Variants in SNTG1 observed in about 807,000 individuals in gnomAD.
The protein encoded by SNTG1 is gamma-1-syntrophin.
Under a neutral mutation model 74.7 loss-of-function variants are expected in SNTG1, and 39 were observed. The observed-to-expected ratio is 0.52, with a 90% CI of 0.40 to 0.68. SNTG1 has a LOEUF of 0.68. SNTG1 is among the 30% of genes least tolerant of loss of function. The pLI is 0.00. For synonymous variants in SNTG1, 254 were observed against 217.1 expected (o/e 1.17, Z -1.49); for missense variants, 685 against 609.5 (o/e 1.12, Z -1.30).
chr8:49,947,712 A>G (rs984678184), intron 1 of SNTG1, among the ~76,000 whole-genome samples: 19 of 152,314 alleles, frequency 1.2e-4, no homozygotes, highest in African/African-American at 4.1e-4. Flanking sequence ...TGTAATGACC[A>G]GTTTCTAACT....
rs2095437317 is a variant in SNTG1, at chr8:50,704,624, A to C, written c.1063A>C (p.Lys355Gln). The C allele has an allele frequency of 6.2e-7, 1 of 1,614,128 alleles. No homozygotes were observed. Among genetic ancestry groups the C allele is most frequent in the Non-Finnish European group, 8.5e-7 (1 of 1,180,026 alleles). ...GGACAGTGACCTGCTGGACCGACGG[A>C]AACAGTGCTTCACCGTGCAGTCTGA... ...LKDSDLLDRR[K>Q]QCFTVQSESG... The change falls in exon 16 of 19, where the codon AAA becomes CAA. Residue 355 changes from lysine to glutamine, a missense_variant. Transcript: ENST00000642720.
intron 13 of SNTG1, among the ~76,000 whole-genome samples, chr8:50,643,388 C>A (rs1421148592): frequency 6.6e-6 from 1 of 152,176 alleles, no homozygotes; most frequent in African/African-American, 2.4e-5. Context: ...TTGCCGTGGT[C>A]TCCCCATTTG....
intron 15 of SNTG1, among the ~76,000 whole-genome samples, chr8:50,700,912 CAG>C (rs1263353236): frequency 1.3e-5 from 2 of 152,042 alleles, no homozygotes; most frequent in Non-Finnish European, 2.9e-5. Flanking sequence ...ACTATATTTG[CAG>C]AGTTGATTAG....
intron 15 of SNTG1, among the ~76,000 whole-genome samples, chr8:50,698,113 A>T (rs1391646380): frequency 3.3e-5 from 5 of 151,820 alleles, no homozygotes; most frequent in African/African-American, 1.2e-4. Context: ...TTTTTATTGG[A>T]TTTTAAATCC....
intron 15 of SNTG1, among the ~76,000 whole-genome samples, chr8:50,704,054 C>T (rs1335024627): frequency 6.6e-6 from 1 of 152,062 alleles, no homozygotes; most frequent in East Asian, 1.9e-4. Context: ...AAATTGCCAG[C>T]ATCAAAGTCG....
At chr8:50,654,706 G>T (rs1361717341) in intron 13 of SNTG1, among the ~76,000 whole-genome samples, 1 of 152,054 alleles carries the variant, frequency 6.6e-6, no homozygotes, top group Non-Finnish European at 1.5e-5. Flanking sequence ...CATCCAGAAA[G>T]AATTTCCATT....
rs186208237 is a variant in SNTG1, at chr8:50,075,693, G to A, written c.-102-96868G>A. On this transcript the variant is annotated intron_variant, in intron 1 of 18. Transcript: ENST00000642720. ...GCTGCTCACTCTTTGGGTCCGTACTGCCTTTATGAGCTGTAACACTCACTG... is the reference window on the plus strand; with the variant it reads ...GCTGCTCACTCTTTGGGTCCGTACTACCTTTATGAGCTGTAACACTCACTG... 8.1e-3 allele frequency among the ~76,000 whole-genome samples: 1,231 copies of A among 152,236 alleles called. 8 individuals carry two copies. Among genetic ancestry groups the A allele is most frequent in the Non-Finnish European group, 0.013 (879 of 68,012 alleles).
chr8:50,477,605 G>T (rs2093707045), intron 8 of SNTG1, among the ~76,000 whole-genome samples: 1 of 152,078 alleles, frequency 6.6e-6, no homozygotes, highest in Non-Finnish European at 1.5e-5. Context: ...AAAGACATTA[G>T]GGGAAAAACT....
At chr8:50,155,957 T>C (rs1381277372) in intron 1 of SNTG1, among the ~76,000 whole-genome samples, 6 of 151,182 alleles carry the variant, frequency 4.0e-5, no homozygotes, top group Non-Finnish European at 7.4e-5. Context: ...ATACTACATA[T>C]ATAGAAGTGT....
At chr8:50,431,718 C>T (rs976595781) in intron 4 of SNTG1, among the ~76,000 whole-genome samples, 2 of 152,062 alleles carry the variant, frequency 1.3e-5, no homozygotes, top group East Asian at 1.9e-4. Flanking sequence ...GGATTTTAGC[C>T]GTTTTAATAA....
chr8:50,060,808 A>T (rs1362415383), intron 1 of SNTG1, among the ~76,000 whole-genome samples: 1 of 151,708 alleles, frequency 6.6e-6, no homozygotes, highest in East Asian at 1.9e-4. Flanking sequence ...TTTTTATGTC[A>T]GTTTATCTGA....
At chr8:50,089,838 A>T (rs1386497111) in intron 1 of SNTG1, among the ~76,000 whole-genome samples, 1 of 152,180 alleles carries the variant, frequency 6.6e-6, no homozygotes, top group Non-Finnish European at 1.5e-5. Flanking sequence ...CCATTGTGGA[A>T]GTCAGTGTGG....
intron 1 of SNTG1, among the ~76,000 whole-genome samples, chr8:49,965,799 T>C (rs551566942): frequency 4.5e-4 from 68 of 152,318 alleles, no homozygotes; most frequent in Non-Finnish European, 6.9e-4. Context: ...ATCATCCTCC[T>C]CTTTTATCTA....
At chr8:50,257,019 C>T (rs182934571) in intron 2 of SNTG1, among the ~76,000 whole-genome samples, 2 of 152,032 alleles carry the variant, frequency 1.3e-5, no homozygotes, top group Non-Finnish European at 2.9e-5. Context: ...CCCCCCTGCT[C>T]CCCTCTTAGG....
chr8:50,338,152 AAAAT>A, intron 2 of SNTG1, among the ~76,000 whole-genome samples: 1 of 151,952 alleles, frequency 6.6e-6, no homozygotes, highest in East Asian at 1.9e-4. Context: ...TAAATAAATA[AAAAT>A]AAATAAATAA....
chr8:50,274,337 T>A (rs1235319708), intron 2 of SNTG1, among the ~76,000 whole-genome samples: 2 of 152,056 alleles, frequency 1.3e-5, no homozygotes, highest in East Asian at 3.9e-4. Flanking sequence ...TCCACTCACC[T>A]ACGCTTCCCA....
intron 18 of SNTG1, among the ~76,000 whole-genome samples, chr8:50,763,161 C>A (rs1015082052): frequency 6.6e-6 from 1 of 152,004 alleles, no homozygotes; most frequent in Non-Finnish European, 1.5e-5. Flanking sequence ...GACTGTCTGT[C>A]CTTCCAATTT....
At chr8:50,385,156 T>A (rs1025531352) in intron 2 of SNTG1, among the ~76,000 whole-genome samples, 1 of 152,142 alleles carries the variant, frequency 6.6e-6, no homozygotes, top group African/African-American at 2.4e-5. Context: ...GCGTCATATG[T>A]TCCAAGTGGT....
Position 50,556,227 on chromosome 8 carries a change from T to G in SNTG1, c.810+3048T>G, listed in dbSNP as rs146607972. Reference sequence around the variant, plus strand: ...GTCTACTAGAATGAGGGTGAAGGCTTTAGGGACTTGTCTTAAGCTGTATTG... The same window carrying G: ...GTCTACTAGAATGAGGGTGAAGGCTGTAGGGACTTGTCTTAAGCTGTATTG... On this transcript the variant is annotated intron_variant, in intron 12 of 18. Coordinates refer to ENST00000642720, the MANE Select transcript of SNTG1 (RefSeq NM_018967.5). 3.9e-5 allele frequency among the ~76,000 whole-genome samples: 6 copies of G among 152,254 alleles called. No homozygotes were observed. In the East Asian group the frequency reaches 1.2e-3, roughly 29 times the overall value.
Sources: allele counts gnomAD v4.1 joint callset (sites outside exome capture counted in the v4.1 genomes callset), GRCh38; gene constraint gnomAD v4.1.1; transcripts MANE v1.5; gene names NCBI Gene and HGNC (gene_info 2026-07-23, HGNC 2026-07-21).